The following MCC variants were observed in gnomAD, a reference collection of about 807,000 sequenced individuals.
The protein encoded by MCC is MCC regulator of Wnt signaling pathway.
Under a neutral mutation model 116.2 loss-of-function variants are expected in MCC, and 90 were observed. The observed-to-expected ratio is 0.77, with a 90% CI of 0.65 to 0.92. The LOEUF (loss-of-function observed/expected upper bound fraction) is 0.92, where lower values mean the gene tolerates loss of function less well. Among genes scored for constraint, MCC ranks in the 40% least tolerant of loss-of-function variants. The pLI, the probability that MCC is intolerant of heterozygous loss-of-function variation, is 0.00. For missense variants in MCC, 1,516 were observed against 1,312.2 expected, an observed-to-expected ratio of 1.16 and a Z score of -2.40; for synonymous variants, 578 against 510.5, an observed-to-expected ratio of 1.13 and a Z score of -1.78.
At chr5:113,103,327 A>G (rs1756542308) in intron 7 of MCC, among the ~76,000 whole-genome samples, 1 of 152,120 alleles carries the variant, frequency 6.6e-6, no homozygotes, top group Non-Finnish European at 1.5e-5. Flanking sequence ...CTTTGTCCCT[A>G]GCTGGTTGGT....
At position 113,340,563 on chromosome 5, in the gene MCC, T is replaced by C. The variant is rs773803084; in HGVS notation, c.583A>G (p.Ile195Val). The C allele has an allele frequency of 2.5e-6, 4 of 1,614,186 alleles. No individual in the cohort carries two copies. The highest frequency in any genetic ancestry group is 2.2e-5 in the South Asian group (2 of 91,076). ...LHKLLTQSPHIGNSVGGSYLE... is the reference protein window; with the variant it reads ...LHKLLTQSPHVGNSVGGSYLE... The stretch of plus-strand genomic sequence containing the variant: ...TAGCTTCCTCCTACAGAGTTGCCAA[T>C]GTGCGGGGACTGTGTGAGCAGTTTG... Residue 195 changes from isoleucine to valine, a missense_variant, in exon 3 of 19, where the codon ATT becomes GTT. Physicochemically the swap from Ile to Val is conservative, Grantham distance 29 (BLOSUM62 3). Transcript: ENST00000408903.
chr5:113,149,690 C>G (rs1759733884), intron 4 of MCC, among the ~76,000 whole-genome samples: 1 of 151,942 alleles, frequency 6.6e-6, no homozygotes, highest in Non-Finnish European at 1.5e-5. Flanking sequence ...TAATTTAATA[C>G]CAGCCTGGTA....
At chr5:113,333,743 A>G (rs1767755656) in intron 3 of MCC, among the ~76,000 whole-genome samples, 1 of 142,974 alleles carries the variant, frequency 7.0e-6, no homozygotes. Context: ...CTGGTATGTT[A>G]GATAACTAAA....
chr5:113,488,325 G>C lies in MCC; in HGVS notation c.90C>G (p.Asp30Glu). ...GGSGSSSSSS[D>E]TSSTGEEERM... ...TCTCCTCCTCGCCGGTGCTGGACGT[G>C]TCGCTGCTGCTGCTGCTGCTGCCGC... The change falls in exon 1 of 19, where the codon GAC becomes GAG. Residue 30 changes from aspartate (D) to glutamate (E), a missense_variant. Coordinates refer to ENST00000408903, the MANE Select transcript of MCC (RefSeq NM_001085377.2). 4 of 1,561,188 alleles carry C rather than the reference G, an allele frequency of 2.6e-6. No homozygotes were observed. Among genetic ancestry groups the C allele is most frequent in the Non-Finnish European group, 3.4e-6 (4 of 1,159,522 alleles).
In MCC at chr5:113,052,123, A is replaced by C. The variant is rs567106550; in HGVS notation, c.2448+1602T>G. ...ATTTTCAAGTGGCAAAGGGAGTATT[A>C]GAACTTTTATTCCAACAAAAATGTC... On this transcript the variant is annotated intron_variant, in intron 15 of 18. Transcript: ENST00000408903. Among the ~76,000 whole-genome samples the C allele has an allele frequency of 3.4e-4, 39 of 114,206 alleles. No homozygotes were observed. In the South Asian group the frequency reaches 0.012, roughly 35 times the overall value. The allele number at this position is 114,206 out of a possible 152,430, so 74.9% of individuals were successfully genotyped here. A position where few individuals can be genotyped will look rare whatever the true frequency, so the allele number is the denominator to read the frequency against.
intron 3 of MCC, among the ~76,000 whole-genome samples, chr5:113,208,510 ATT>A (rs1011354153): frequency 6.6e-6 from 1 of 152,144 alleles, no homozygotes; most frequent in South Asian, 2.1e-4. Context: ...GGGTAATGGT[ATT>A]TGTGACTTTC....
In MCC at chr5:113,385,178, T is replaced by C. The variant is rs774753886; in HGVS notation, c.205A>G (p.Met69Val). ...DLLMVCRQLN[M>V]EESVAEIMNQ... ...ATGATCTCAGCCACAGACTCTTCCA[T>C]ATTCAGCTGGCGACAGACCATTAGC... is the stretch of plus-strand genomic sequence containing the variant. The change falls in exon 2 of 19, where the codon ATG (methionine) becomes GTG (valine). Residue 69 changes from methionine to valine, a missense_variant. Physicochemically the swap from Met to Val is conservative, Grantham distance 21. Coordinates refer to ENST00000408903, the MANE Select transcript of MCC (RefSeq NM_001085377.2). The C allele has an allele frequency of 1.1e-5, 18 of 1,614,118 alleles. No homozygotes were observed. The highest frequency in any genetic ancestry group is 1.4e-5 in the Non-Finnish European group (17 of 1,180,022).
At chr5:113,343,654 G>A (rs1439789937) in intron 2 of MCC, among the ~76,000 whole-genome samples, 2 of 152,190 alleles carry the variant, frequency 1.3e-5, no homozygotes, top group Non-Finnish European at 2.9e-5. Flanking sequence ...TCTCAGCACC[G>A]TGCACATGGC....
chr5:113,096,290 T>C (rs1756011661), intron 8 of MCC, among the ~76,000 whole-genome samples: 1 of 152,226 alleles, frequency 6.6e-6, no homozygotes, highest in South Asian at 2.1e-4. Flanking sequence ...ACACTGCCTC[T>C]CCCTTCCTTG....
chr5:113,408,820 G>C (rs776322437), intron 1 of MCC, among the ~76,000 whole-genome samples: 6 of 152,178 alleles, frequency 3.9e-5, no homozygotes, highest in Admixed American at 3.9e-4. Context: ...ACTGAGTAGA[G>C]CAAGGGAGCA....
At chr5:113,178,781 T>G (rs999356852) in intron 3 of MCC, among the ~76,000 whole-genome samples, 17 of 152,162 alleles carry the variant, frequency 1.1e-4, no homozygotes, top group Non-Finnish European at 1.3e-4. Flanking sequence ...ACATGTTCTA[T>G]TTTCTTTTCC....
At chr5:113,268,031 GTC>G (rs1041101590) in intron 3 of MCC, among the ~76,000 whole-genome samples, 1 of 152,130 alleles carries the variant, frequency 6.6e-6, no homozygotes, top group African/African-American at 2.4e-5. Context: ...CCTTCAAAAT[GTC>G]TCTCTCACTT....
intron 6 of MCC, among the ~76,000 whole-genome samples, chr5:113,109,443 T>C (rs1318267243): frequency 6.6e-6 from 1 of 152,182 alleles, no homozygotes; most frequent in Non-Finnish European, 1.5e-5. Flanking sequence ...ACAAGGTATC[T>C]AGAAGACGCA....
chr5:113,422,819 T>C (rs1580355605), intron 1 of MCC, among the ~76,000 whole-genome samples: 1 of 152,230 alleles, frequency 6.6e-6, no homozygotes, highest in African/African-American at 2.4e-5. Flanking sequence ...CAGAGACTTC[T>C]AGTTATACTT....
chr5:113,360,197 A>ATT (rs1768513704), intron 2 of MCC, among the ~76,000 whole-genome samples: 1 of 151,474 alleles, frequency 6.6e-6, no homozygotes, highest in African/African-American at 2.4e-5. Context: ...AGGGGAATAA[A>ATT]AAAAAAAATG....
At chr5:113,420,351 G>T (rs1398634001) in intron 1 of MCC, among the ~76,000 whole-genome samples, 2 of 152,094 alleles carry the variant, frequency 1.3e-5, no homozygotes, top group African/African-American at 4.8e-5. Flanking sequence ...GACAGCATTT[G>T]CCACTTGTAA....
intron 3 of MCC, among the ~76,000 whole-genome samples, chr5:113,297,387 A>G (rs560545337): frequency 5.9e-5 from 9 of 152,044 alleles, no homozygotes; most frequent in Non-Finnish European, 1.0e-4. Flanking sequence ...CAACATGGTG[A>G]TACCCTGTCT....
intron 3 of MCC, among the ~76,000 whole-genome samples, chr5:113,182,045 C>T (rs971112122): frequency 6.6e-6 from 1 of 152,162 alleles, no homozygotes; most frequent in Non-Finnish European, 1.5e-5. Flanking sequence ...TCTGTCAGCT[C>T]GGTGGGTTTA....
intron 1 of MCC, among the ~76,000 whole-genome samples, chr5:113,397,945 C>T (rs1769571600): frequency 6.6e-6 from 1 of 152,204 alleles, no homozygotes; most frequent in Admixed American, 6.5e-5. Context: ...ATGCATCCAA[C>T]AATGGTGTAA....
Sources: allele counts gnomAD v4.1 joint callset (sites outside exome capture counted in the v4.1 genomes callset), GRCh38; gene constraint gnomAD v4.1.1; transcripts MANE v1.5; gene names NCBI Gene and HGNC (gene_info 2026-07-23, HGNC 2026-07-21).